The following CYRIB variants were observed in gnomAD, a reference collection of about 807,000 sequenced individuals.
CYRIB encodes the protein CYFIP-related Rac1 interactor B.
CYRIB carries 8 observed loss-of-function variants against 44.2 expected under a neutral mutation model. The observed-to-expected ratio is 0.18, with a 90% CI of 0.11 to 0.33. The LOEUF (loss-of-function observed/expected upper bound fraction) is 0.33, where lower values mean the gene tolerates loss of function less well. Ranked by LOEUF, CYRIB falls within the 10% of genes least tolerant of loss-of-function variation. CYRIB has a pLI of 1.00. For missense variants in CYRIB, 185 were observed against 382.8 expected (o/e 0.48, Z 4.31); for synonymous variants, 131 against 127.2 (o/e 1.03, Z -0.20).
intron 2 of CYRIB, among the ~76,000 whole-genome samples, chr8:129,883,594 T>C (rs1588518479): frequency 6.6e-6 from 1 of 152,118 alleles, no homozygotes; most frequent in African/African-American, 2.4e-5. Flanking sequence ...TATTTTAACC[T>C]GGCCAAAAAC....
chr8:129,935,744 T>C (rs1308120365), intron 1 of CYRIB, among the ~76,000 whole-genome samples: 1 of 152,214 alleles, frequency 6.6e-6, no homozygotes, highest in East Asian at 1.9e-4. Flanking sequence ...CAGTGTCACA[T>C]ACAATAGTAC....
At chr8:129,902,617 G>A (rs1234166639) in intron 2 of CYRIB, among the ~76,000 whole-genome samples, 2 of 152,130 alleles carry the variant, frequency 1.3e-5, no homozygotes, top group African/African-American at 4.8e-5. Flanking sequence ...CCCAGGCTCA[G>A]GTAAGCCACC....
Position 129,846,892 on chromosome 8 carries a change from A to T in CYRIB, c.841-18T>A. 6.5e-7 allele frequency: 1 copy of T among 1,546,566 alleles called. No individual in the cohort carries two copies. Among genetic ancestry groups the T allele is most frequent in the Non-Finnish European group, 8.7e-7 (1 of 1,146,168 alleles). On this transcript the variant is annotated intron_variant, in intron 10 of 11. Transcript: ENST00000519824. ...CCTTTCATCTAAAGAAAAAGAAAAC[A>T]GAAAAGGTAAAACAGCCATTTTTTT...
chr8:129,937,848 T>A (rs573847820), intron 1 of CYRIB, among the ~76,000 whole-genome samples: 30 of 152,284 alleles, frequency 2.0e-4, no homozygotes, highest in Admixed American at 7.2e-4. Context: ...TCTTAAACAT[T>A]ATTATCTAGC....
In CYRIB at chr8:129,883,386, T is replaced by C. The variant is rs573247896; in HGVS notation, c.-10-3915A>G. On this transcript the variant is annotated intron_variant, in intron 2 of 11. Coordinates refer to ENST00000519824, the Ensembl canonical transcript of CYRIB. Reference sequence around the variant, plus strand: ...ACCCGACTGAGAATCACTACAACTGTTGTCCAGCGCAAAAATTCGCTCTAC... The same window carrying C: ...ACCCGACTGAGAATCACTACAACTGCTGTCCAGCGCAAAAATTCGCTCTAC... Among the ~76,000 whole-genome samples, 266 of 152,144 alleles carry C rather than the reference T, an allele frequency of 1.7e-3. 1 individual carries two copies. The highest frequency in any genetic ancestry group is 3.1e-3 in the Non-Finnish European group (213 of 67,996).
In CYRIB at chr8:129,957,606, G is replaced by A. The variant is rs571928106; in HGVS notation, c.-243+13337C>T. On this transcript the variant is annotated intron_variant, in intron 2 of 14. Transcript: ENST00000401979. ...AGCACTTTGGGAGGTGGAGGTGGGC[G>A]GATTACTTGAAGTCAGGTGTTCCAG... Among the ~76,000 whole-genome samples the A allele has an allele frequency of 1.6e-3, 251 of 152,156 alleles. 1 individual carries two copies. Among genetic ancestry groups the A allele is most frequent in the Middle Eastern group, 6.8e-3 (2 of 294 alleles).
Position 129,893,691 on chromosome 8 carries a change from A to G in CYRIB, c.-11+9621T>C, listed in dbSNP as rs1171823753. Among the ~76,000 whole-genome samples the G allele has an allele frequency of 5.9e-5, 9 of 152,194 alleles. No individual in the cohort carries two copies. In the East Asian group the frequency reaches 1.7e-3, roughly 29 times the overall value. The stretch of plus-strand genomic sequence containing the variant: ...CCCTCCTCTCTCACTGAAGATAATT[A>G]GTATCTTTTTAAAAAAATTATTAGA... On this transcript the variant is annotated intron_variant, in intron 2 of 11. Coordinates refer to ENST00000519824, the Ensembl canonical transcript of CYRIB.
chr8:129,855,892 G>C, intron 5 of CYRIB, 145 bp from the exon 8 acceptor site: 4 of 750,234 alleles, frequency 5.3e-6, no homozygotes, highest in South Asian at 4.1e-5. Context: ...AACTAATTAA[G>C]AAGTTTAAAT....
intron 2 of CYRIB, among the ~76,000 whole-genome samples, chr8:129,885,464 G>A (rs1010890322): frequency 6.6e-6 from 1 of 152,178 alleles, no homozygotes. Context: ...AGAAAGAAAA[G>A]TAACAAACAC....
chr8:129,967,191 C>T (rs1038115564), intron 2 of CYRIB, among the ~76,000 whole-genome samples: 2 of 152,104 alleles, frequency 1.3e-5, no homozygotes, highest in African/African-American at 4.8e-5. Flanking sequence ...TATACTGACT[C>T]AAGAGTCCTA....
chr8:129,966,485 T>C (rs1005493379), intron 2 of CYRIB, among the ~76,000 whole-genome samples: 4 of 152,170 alleles, frequency 2.6e-5, no homozygotes, highest in South Asian at 2.1e-4. Context: ...TCTTGTCCCA[T>C]TGTCTCTTCT....
At chr8:130,014,349 G>A (rs1186756268) in intron 1 of CYRIB, among the ~76,000 whole-genome samples, 3 of 152,206 alleles carry the variant, frequency 2.0e-5, no homozygotes, top group Admixed American at 6.5e-5. Context: ...AGGATGGCTT[G>A]AGCCTGAGAG....
At position 129,907,727 on chromosome 8, in the gene CYRIB, T is replaced by C. The variant is rs144079595; in HGVS notation, c.-49-4377A>G. 4.6e-4 allele frequency among the ~76,000 whole-genome samples: 70 copies of C among 152,300 alleles called. No individual in the cohort carries two copies. In the South Asian group the frequency reaches 0.01, roughly 22 times the overall value. On this transcript the variant is annotated intron_variant, in intron 1 of 11. Coordinates refer to ENST00000519824, the Ensembl canonical transcript of CYRIB. Reference sequence around the variant, plus strand: ...AATGATGGTACCTATGATGGCCTGGTGCAGTGGCTCACGCCTGTAAGCCCA... The same window carrying C: ...AATGATGGTACCTATGATGGCCTGGCGCAGTGGCTCACGCCTGTAAGCCCA...
intron 3 of CYRIB, among the ~76,000 whole-genome samples, chr8:129,876,863 T>C (rs552630121): frequency 1.3e-5 from 2 of 152,340 alleles, no homozygotes; most frequent in South Asian, 4.1e-4. Context: ...AAAGTGCATC[T>C]AGAAATAAAC....
intron 1 of CYRIB, among the ~76,000 whole-genome samples, chr8:129,981,174 C>G (rs1365785479): frequency 6.6e-6 from 1 of 152,048 alleles, no homozygotes; most frequent in Non-Finnish European, 1.5e-5. Flanking sequence ...AGGTCTGGCT[C>G]TGTCGCTCAG....
chr8:129,900,646 A>G (rs2135601204), intron 2 of CYRIB, among the ~76,000 whole-genome samples: 1 of 152,290 alleles, frequency 6.6e-6, no homozygotes, highest in South Asian at 2.1e-4. Flanking sequence ...TTCTCTTCTT[A>G]AAATTTTGGT....
chr8:129,989,237 C>A (rs1564653069), intron 1 of CYRIB, among the ~76,000 whole-genome samples: 1 of 152,104 alleles, frequency 6.6e-6, no homozygotes, highest in African/African-American at 2.4e-5. Context: ...ACCAGCAGGA[C>A]GACTGGAGCC....
In CYRIB at chr8:129,894,022, G is replaced by T. The variant is rs148638660; in HGVS notation, c.-11+9290C>A. Among the ~76,000 whole-genome samples the T allele has an allele frequency of 4.6e-4, 70 of 152,018 alleles. No individual in the cohort carries two copies. In the South Asian group the frequency reaches 0.01, roughly 22 times the overall value. Reference sequence around the variant, plus strand: ...TTTAAAAATTATTAATATGTTCATTGTAGCTATTACATACTATTGGATTAT... The same window carrying T: ...TTTAAAAATTATTAATATGTTCATTTTAGCTATTACATACTATTGGATTAT... On this transcript the variant is annotated intron_variant, in intron 2 of 11. Coordinates refer to ENST00000519824, the Ensembl canonical transcript of CYRIB.
chr8:130,011,211 C>T (rs1446001175), intron 1 of CYRIB, among the ~76,000 whole-genome samples: 2 of 152,100 alleles, frequency 1.3e-5, no homozygotes, highest in East Asian at 3.9e-4. Flanking sequence ...CTCAAGGAAG[C>T]CCAGGAAGCT....
Sources: gnomAD v4.1 joint callset for allele counts (sites outside exome capture counted in the v4.1 genomes callset) on GRCh38, gnomAD v4.1.1 for gene constraint, MANE v1.5 for transcripts, NCBI Gene and HGNC (gene_info 2026-07-23, HGNC 2026-07-21) for gene names.